Variants in CHST15 observed in about 807,000 individuals in gnomAD.
The protein encoded by CHST15 is B cell RAG associated protein (GALNAC4S-6ST).
CHST15 carries 30 observed loss-of-function variants against 53.6 expected under a neutral mutation model. The observed-to-expected ratio is 0.56, with a 90% confidence interval of 0.42 to 0.76. The LOEUF is 0.76. Ranked by LOEUF, CHST15 falls within the 30% of genes least tolerant of loss-of-function variation. The pLI is 0.00. For missense variants in CHST15, 627 were observed against 740.5 expected, an observed-to-expected ratio of 0.85 and a Z score of 1.78; for synonymous variants, 296 against 289.8, an observed-to-expected ratio of 1.02 and a Z score of -0.22.
intron 7 of CHST15, chr10:124,010,761 C>T: frequency 1.0e-6 from 1 of 985,472 alleles, no homozygotes; most frequent in Non-Finnish European, 1.2e-6. Context: ...ATTCCGCCAT[C>T]ATCGTTTCTA....
chr10:124,010,137 A>G lies in CHST15; in HGVS notation c.*12T>C, dbSNP rs371124237. 2.5e-6 allele frequency: 4 copies of G among 1,612,202 alleles called. No homozygotes were observed. The highest frequency in any genetic ancestry group is 2.5e-6 in the Non-Finnish European group (3 of 1,180,038). ...ATTGGCGGGCCCAGCACGTGCAGCA[A>G]CAATTCAGCTCTCACGTCGTCTTCC... On this transcript the variant is annotated 3_prime_UTR_variant, in exon 8 of 8. Coordinates refer to ENST00000435907, the MANE Select transcript of CHST15 (RefSeq NM_001270764.2).
Position 124,044,704 on chromosome 10 carries a change from C to T in CHST15, c.762G>A (p.Pro254=), listed in dbSNP as rs756350379. The T allele has an allele frequency of 6.2e-6, 10 of 1,613,670 alleles. No homozygotes were observed. The highest frequency in any genetic ancestry group is 1.7e-5 in the Admixed American group (1 of 59,972). The part of the protein sequence containing the change: ...HGKHFRLRCL[P]HFYIIGQPKC... ...TGGGCTGCCCTATGATGTAGAAGTG[C>T]GGCAGGCAGCGCAGGCGGAAGTGCT... is the stretch of plus-strand genomic sequence containing the variant. The change falls in exon 3 of 8, where the codon CCG becomes CCA. Residue 254 remains proline, a synonymous_variant. Transcript: ENST00000435907.
chr10:124,060,898 A>G (rs1337950345), intron 1 of CHST15, among the ~76,000 whole-genome samples: 1 of 152,158 alleles, frequency 6.6e-6, no homozygotes, highest in Non-Finnish European at 1.5e-5. Flanking sequence ...AAAGTTTGAG[A>G]AGCACTGGTG....
At chr10:124,016,846 G>C (rs1225395135) in intron 6 of CHST15, among the ~76,000 whole-genome samples, 1 of 152,218 alleles carries the variant, frequency 6.6e-6, no homozygotes, top group Admixed American at 6.5e-5. Context: ...CACAGATGGA[G>C]TTTTAGAAAC....
At chr10:124,088,512 G>A (rs1308703530) in intron 1 of CHST15, among the ~76,000 whole-genome samples, 1 of 152,172 alleles carries the variant, frequency 6.6e-6, no homozygotes, top group Non-Finnish European at 1.5e-5. Flanking sequence ...TTAACCACTT[G>A]CTGATTCACG....
chr10:124,013,677 T>C (rs976284370), intron 6 of CHST15, among the ~76,000 whole-genome samples: 1 of 152,288 alleles, frequency 6.6e-6, no homozygotes, highest in South Asian at 2.1e-4. Flanking sequence ...TTAGGAACAG[T>C]TTCCTCTAAC....
intron 1 of CHST15, among the ~76,000 whole-genome samples, chr10:124,078,487 C>T (rs759757898): frequency 4.6e-5 from 7 of 152,234 alleles, no homozygotes; most frequent in Non-Finnish European, 8.8e-5. Flanking sequence ...CTCCCCTGGT[C>T]TGTCCTATAA....
At chr10:124,066,429 C>T (rs943198626) in intron 1 of CHST15, among the ~76,000 whole-genome samples, 2 of 151,554 alleles carry the variant, frequency 1.3e-5, no homozygotes, top group Non-Finnish European at 2.9e-5. Flanking sequence ...GACTGACCCA[C>T]ACCTCCTCTT....
intron 4 of CHST15, among the ~76,000 whole-genome samples, chr10:124,040,730 A>G (rs1046217703): frequency 2.6e-5 from 4 of 152,262 alleles, no homozygotes; most frequent in Admixed American, 2.6e-4. Context: ...GAACGGCCGC[A>G]AGGCACAGAG....
At chr10:124,060,282 CA>C (rs1007882885) in intron 1 of CHST15, among the ~76,000 whole-genome samples, 3 of 151,306 alleles carry the variant, frequency 2.0e-5, no homozygotes, top group African/African-American at 7.3e-5. Context: ...GTACCTCCCC[CA>C]GGAGTGAGTG....
chr10:124,035,681 G>A (rs1045871862), intron 5 of CHST15, among the ~76,000 whole-genome samples: 2 of 152,230 alleles, frequency 1.3e-5, no homozygotes, highest in African/African-American at 4.8e-5. Flanking sequence ...AGAACATGTG[G>A]TGTTTTCCTT....
chr10:124,083,113 G>A (rs1322183343), intron 1 of CHST15, among the ~76,000 whole-genome samples: 1 of 152,174 alleles, frequency 6.6e-6, no homozygotes, highest in African/African-American at 2.4e-5. Flanking sequence ...AGCTGTTAAA[G>A]AAGAATAGAT....
intron 1 of CHST15, among the ~76,000 whole-genome samples, chr10:124,054,239 G>A (rs371657150): frequency 5.3e-5 from 8 of 152,176 alleles, no homozygotes; most frequent in Non-Finnish European, 8.8e-5. Flanking sequence ...CACATCACCC[G>A]TGCTTTGTCT....
rs747582261 is a variant in CHST15, at chr10:124,044,846, T to C, written c.620A>G (p.Gln207Arg). 1.3e-6 allele frequency: 2 copies of C among 1,521,234 alleles called. No homozygotes were observed. The highest frequency in any genetic ancestry group is 1.8e-6 in the Non-Finnish European group (2 of 1,131,826). The allele number at this position is 1,521,234 out of a possible 1,614,324, so 94.2% of individuals were successfully genotyped here. ...GGTGAGGTAGGGGTCGGTGGTGTTCTGCCCCGAGAACTCCTCGTACCAACA... is the reference window on the plus strand; with the variant it reads ...GGTGAGGTAGGGGTCGGTGGTGTTCCGCCCCGAGAACTCCTCGTACCAACA... ...SPCWYEEFSG[Q>R]NTTDPYLTNS... The change falls in exon 3 of 8, where the codon CAG becomes CGG. Residue 207 changes from glutamine to arginine, a missense_variant. Physicochemically the swap from Gln to Arg is conservative, Grantham distance 43 (BLOSUM62 1). Transcript: ENST00000435907.
chr10:124,090,840 C>T (rs756263029), intron 1 of CHST15, among the ~76,000 whole-genome samples: 2 of 152,236 alleles, frequency 1.3e-5, no homozygotes, highest in Admixed American at 1.3e-4. Context: ...TGCCACCCCC[C>T]TGGACAATAT....
At chr10:124,026,584 A>G (rs1947020473) in intron 5 of CHST15, among the ~76,000 whole-genome samples, 2 of 152,212 alleles carry the variant, frequency 1.3e-5, no homozygotes, top group Non-Finnish European at 2.9e-5. Context: ...AAGGAGACCA[A>G]TGTAATGGAA....
At position 124,009,197 on chromosome 10, in the gene CHST15, AG is replaced by A. The variant is rs1025028174; in HGVS notation, c.*951del. On this transcript the variant is annotated 3_prime_UTR_variant, in exon 8 of 8. Transcript: ENST00000435907. ...CTCTGATGATCTTGTAAACCTGATG[AG>A]GGCTTGAATTACCTAGATTTTCCAA... The A allele has an allele frequency of 1.7e-6, 2 of 1,155,700 alleles. No individual in the cohort carries two copies. The highest frequency in any genetic ancestry group is 2.2e-6 in the Non-Finnish European group (2 of 918,862). The allele number at this position is 1,155,700 out of a possible 1,614,324, so 71.6% of individuals were successfully genotyped here.
intron 6 of CHST15, 86 bp from the exon 7 acceptor site, chr10:124,012,566 T>G (rs923149272): frequency 4.3e-6 from 6 of 1,411,490 alleles, no homozygotes; most frequent in African/African-American, 1.4e-5. Context: ...GGCATTTCAC[T>G]GTACCACAAA....
chr10:124,069,216 C>G (rs75131693), intron 1 of CHST15, among the ~76,000 whole-genome samples: 5 of 152,248 alleles, frequency 3.3e-5, no homozygotes, highest in African/African-American at 1.2e-4. Context: ...TGAGTTCCTA[C>G]ATCCTGTAGT....
Sources: allele counts gnomAD v4.1 joint callset (sites outside exome capture counted in the v4.1 genomes callset), GRCh38; gene constraint gnomAD v4.1.1; transcripts MANE v1.5; gene names NCBI Gene and HGNC (gene_info 2026-07-23, HGNC 2026-07-21).